The following ESR1 variants were observed in gnomAD, a reference collection of about 807,000 sequenced individuals.
The protein encoded by ESR1 is estrogen receptor 1, also known as estrogen receptor.
ESR1 carries 12 observed loss-of-function variants against 52.7 expected under a neutral mutation model. That is an observed-to-expected ratio of 0.23 (90% confidence interval 0.15 to 0.37). The LOEUF (loss-of-function observed/expected upper bound fraction) is 0.37. ESR1 is among the 10% of genes least tolerant of loss of function. The probability of loss-of-function intolerance (pLI) is 1.00; values close to 1 mark genes in which losing one functional copy is unlikely to be tolerated. For missense variants in ESR1, 584 were observed against 779.7 expected, an observed-to-expected ratio of 0.75 and a Z score of 2.99; for synonymous variants, 305 against 316.8, an observed-to-expected ratio of 0.96 and a Z score of 0.39.
chr6:152,009,619 T>C (rs534396903), intron 4 of ESR1, among the ~76,000 whole-genome samples: 2 of 152,236 alleles, frequency 1.3e-5, no homozygotes, highest in East Asian at 1.9e-4. Flanking sequence ...TGCTTTCATG[T>C]TTTGCTGGTG....
At chr6:151,842,935 G>A in intron 2 of ESR1, 148 bp downstream of exon 2, 1 of 694,814 alleles carries the variant, frequency 1.4e-6, no homozygotes, top group South Asian at 1.7e-5. Context: ...GTAGAAACAT[G>A]GAGAAGAGAC....
chr6:152,104,358 C>T (rs532156116), downstream of ESR1, among the ~76,000 whole-genome samples: 1 of 152,270 alleles, frequency 6.6e-6, no homozygotes, highest in East Asian at 1.9e-4. Flanking sequence ...TACCCTATAG[C>T]AGTACTGTGA....
At chr6:151,933,870 A>G (rs569972302) in intron 3 of ESR1, among the ~76,000 whole-genome samples, 77 of 152,314 alleles carry the variant, frequency 5.1e-4, no homozygotes, top group African/African-American at 1.7e-3. Context: ...AATCACCCTA[A>G]TACAAACCCC....
intron 5 of ESR1, among the ~76,000 whole-genome samples, chr6:152,051,577 G>A (rs2046682726): frequency 6.6e-6 from 1 of 151,908 alleles, no homozygotes; most frequent in South Asian, 2.1e-4. Context: ...CTCTTAGGCT[G>A]TCTTCCCCCA....
Position 152,124,449 on chromosome 6 carries a change from G to A in ESR1, c.851-817G>A, listed in dbSNP as rs186072126. On this transcript the variant is annotated intron_variant, in intron 6 of 6. Transcript: ENST00000427531. ...CTTTTCTGAAATCCACACAAGTAAC[G>A]GCAGGGTAATGTAACCTTGAACAAC... 2.1e-3 allele frequency among the ~76,000 whole-genome samples: 320 copies of A among 152,294 alleles called. 1 individual carries two copies. The highest frequency in any genetic ancestry group is 7.0e-3 in the African/African-American group (289 of 41,550).
chr6:151,832,186 C>G (rs1484334188), intron 1 of ESR1, among the ~76,000 whole-genome samples: 1 of 152,048 alleles, frequency 6.6e-6, no homozygotes, highest in East Asian at 1.9e-4. Context: ...TTGGGAGGAC[C>G]TATTTTGTCA....
chr6:151,778,658 A>C (rs1358157895), intron 2 of ESR1, among the ~76,000 whole-genome samples: 1 of 152,036 alleles, frequency 6.6e-6, no homozygotes, highest in South Asian at 2.1e-4. Context: ...TGCCCACCTC[A>C]GCCTCCCAAA....
chr6:151,677,275 C>T (rs1056530657), intron 1 of ESR1, among the ~76,000 whole-genome samples: 4 of 152,192 alleles, frequency 2.6e-5, no homozygotes, highest in African/African-American at 4.8e-5. Flanking sequence ...ATGCCTGGGG[C>T]AGCTTGACCG....
intron 3 of ESR1, among the ~76,000 whole-genome samples, chr6:151,926,558 T>C (rs964018997): frequency 1.2e-4 from 18 of 152,242 alleles, no homozygotes; most frequent in Non-Finnish European, 5.9e-5. Flanking sequence ...TTTTTACATA[T>C]AGGCCTTGTA....
At chr6:151,851,818 G>A (rs1171550855) in intron 2 of ESR1, among the ~76,000 whole-genome samples, 4 of 152,116 alleles carry the variant, frequency 2.6e-5, no homozygotes, top group Non-Finnish European at 5.9e-5. Context: ...GTGAGCCGCC[G>A]CACCCGGCTG....
At chr6:151,908,158 C>G (rs1246644637) in intron 3 of ESR1, among the ~76,000 whole-genome samples, 1 of 151,968 alleles carries the variant, frequency 6.6e-6, no homozygotes, top group Non-Finnish European at 1.5e-5. Context: ...AAATAAAAAA[C>G]TTTGATATTC....
chr6:151,879,716 G>A (rs1583898875), intron 2 of ESR1, among the ~76,000 whole-genome samples: 1 of 152,118 alleles, frequency 6.6e-6, no homozygotes, highest in African/African-American at 2.4e-5. Flanking sequence ...CGTTGGATGT[G>A]GTGGGTTCCA....
chr6:152,068,859 C>CT (rs770750009), intron 6 of ESR1, among the ~76,000 whole-genome samples: 16 of 140,038 alleles, frequency 1.1e-4, no homozygotes, highest in East Asian at 2.3e-4. Flanking sequence ...CCAGGCACTG[C>CT]CTGCATAAAA....
At chr6:151,863,419 C>T (rs568843744) in intron 2 of ESR1, among the ~76,000 whole-genome samples, 45 of 152,138 alleles carry the variant, frequency 3.0e-4, no homozygotes, top group African/African-American at 9.6e-4. Context: ...GTGAATGGGA[C>T]TTCACTCATG....
intron 5 of ESR1, among the ~76,000 whole-genome samples, chr6:152,018,662 G>A (rs966341373): frequency 5.9e-5 from 9 of 152,054 alleles, no homozygotes; most frequent in Non-Finnish European, 1.2e-4. Context: ...TCAGTCCTGG[G>A]CAGGAGACGG....
chr6:151,851,848 A>T (rs1236338804), intron 2 of ESR1, among the ~76,000 whole-genome samples: 1 of 152,052 alleles, frequency 6.6e-6, no homozygotes, highest in Non-Finnish European at 1.5e-5. Context: ...TCTTTAATGC[A>T]GATTAATCTG....
chr6:151,667,504 G>T (rs1179890895), intron 1 of ESR1, among the ~76,000 whole-genome samples: 1 of 152,158 alleles, frequency 6.6e-6, no homozygotes, highest in Non-Finnish European at 1.5e-5. Context: ...CTCCAGCACA[G>T]GTCTTCTATA....
At chr6:151,864,630 C>A (rs896842447) in intron 2 of ESR1, among the ~76,000 whole-genome samples, 1 of 152,174 alleles carries the variant, frequency 6.6e-6, no homozygotes, top group African/African-American at 2.4e-5. Context: ...TATAAAGACA[C>A]ATGCACACGT....
intron 2 of ESR1, among the ~76,000 whole-genome samples, chr6:151,867,544 GA>G (rs960573851): frequency 2.0e-5 from 3 of 151,914 alleles, no homozygotes; most frequent in East Asian, 1.9e-4. Flanking sequence ...ACAAGCATAT[GA>G]AAAAAAGCTC....
Sources: allele counts gnomAD v4.1 joint callset (sites outside exome capture counted in the v4.1 genomes callset), GRCh38; gene constraint gnomAD v4.1.1; transcripts MANE v1.5; gene names NCBI Gene and HGNC (gene_info 2026-07-23, HGNC 2026-07-21).